The following POU6F2 variants were observed in gnomAD, a reference collection of about 807,000 sequenced individuals.
The protein encoded by POU6F2 is POU domain, class 6, transcription factor 2.
POU6F2 carries 31 observed loss-of-function variants against 71.3 expected under a neutral mutation model. That is an observed-to-expected ratio of 0.43 (90% CI 0.33 to 0.59). The LOEUF is 0.59. Among genes scored for constraint, POU6F2 ranks in the 20% least tolerant of loss-of-function variants. The pLI, the probability that POU6F2 is intolerant of heterozygous loss-of-function variation, is 0.04. For missense variants in POU6F2, 783 were observed against 856.8 expected, an observed-to-expected ratio of 0.91 and a Z score of 1.07; for synonymous variants, 347 against 355.7, an observed-to-expected ratio of 0.98 and a Z score of 0.27.
At chr7:39,406,458 T>G in intron 5 of POU6F2, 142 bp from the exon 6 acceptor site, 2 of 910,998 alleles carry the variant, frequency 2.2e-6, no homozygotes, top group Non-Finnish European at 1.6e-6. Flanking sequence ...GGGGGAATGT[T>G]CGCCACGCCC....
intron 4 of POU6F2, among the ~76,000 whole-genome samples, chr7:39,286,462 G>A (rs556320874): frequency 6.6e-6 from 1 of 152,308 alleles, no homozygotes; most frequent in East Asian, 1.9e-4. Context: ...AGAATTAACA[G>A]GACAATGTAA....
chr7:39,152,079 G>T (rs577697574), intron 2 of POU6F2, among the ~76,000 whole-genome samples: 2 of 152,264 alleles, frequency 1.3e-5, no homozygotes, highest in South Asian at 4.2e-4. Flanking sequence ...TACTCATGCA[G>T]TGTTGGAAAA....
chr7:39,459,172 G>T (rs983648064), intron 8 of POU6F2, among the ~76,000 whole-genome samples: 4 of 152,196 alleles, frequency 2.6e-5, no homozygotes, highest in Admixed American at 2.0e-4. Flanking sequence ...TAGACTGATT[G>T]CAGTAGTTGT....
intron 1 of POU6F2, among the ~76,000 whole-genome samples, chr7:38,986,079 A>G (rs939762216): frequency 5.9e-5 from 9 of 152,132 alleles, no homozygotes; most frequent in Admixed American, 5.9e-4. Flanking sequence ...TACTTTAAAC[A>G]TTTTGGGAAT....
intron 4 of POU6F2, among the ~76,000 whole-genome samples, chr7:39,294,122 A>G (rs1784809251): frequency 6.6e-6 from 1 of 151,874 alleles, no homozygotes; most frequent in Non-Finnish European, 1.5e-5. Flanking sequence ...TATTCAAACT[A>G]TGAGAATCAG....
At chr7:39,431,597 A>G (rs1034538039) in intron 6 of POU6F2, among the ~76,000 whole-genome samples, 4 of 152,160 alleles carry the variant, frequency 2.6e-5, no homozygotes, top group African/African-American at 9.7e-5. Context: ...GGCACCCTCC[A>G]AGGTCCTCCA....
At chr7:39,260,443 ACACATACATAC>A (rs995545622) in intron 4 of POU6F2, among the ~76,000 whole-genome samples, 3 of 150,488 alleles carry the variant, frequency 2.0e-5, no homozygotes, top group African/African-American at 7.3e-5. Context: ...CACACCCCAT[ACACATACATAC>A]CACACACATA....
intron 4 of POU6F2, among the ~76,000 whole-genome samples, chr7:39,247,731 A>G (rs762541330): frequency 1.3e-5 from 2 of 152,112 alleles, no homozygotes; most frequent in Non-Finnish European, 2.9e-5. Flanking sequence ...CCATGAAGGA[A>G]CTCCAGAAGT....
chr7:39,191,457 T>C (rs1793661947), intron 2 of POU6F2, among the ~76,000 whole-genome samples: 1 of 152,160 alleles, frequency 6.6e-6, no homozygotes. Context: ...AGTAAATTTT[T>C]TAAGAATTTG....
intron 2 of POU6F2, among the ~76,000 whole-genome samples, chr7:39,200,299 GCT>G (rs2128744765): frequency 1.3e-5 from 2 of 152,326 alleles, no homozygotes; most frequent in Non-Finnish European, 2.9e-5. Flanking sequence ...CGCTTTAGAT[GCT>G]CTGTCAGTAG....
At chr7:39,066,609 G>T (rs1308232570) in intron 1 of POU6F2, among the ~76,000 whole-genome samples, 1 of 151,070 alleles carries the variant, frequency 6.6e-6, no homozygotes, top group African/African-American at 2.4e-5. Flanking sequence ...GTCTGTAGCA[G>T]GTATGGAGGA....
chr7:39,432,333 G>A (rs1007815093), intron 6 of POU6F2, among the ~76,000 whole-genome samples: 5 of 152,066 alleles, frequency 3.3e-5, no homozygotes, highest in Non-Finnish European at 7.4e-5. Flanking sequence ...TCATTTAAAA[G>A]GCACTTTCTT....
intron 2 of POU6F2, among the ~76,000 whole-genome samples, chr7:39,169,082 A>G (rs895369094): frequency 6.6e-6 from 1 of 152,178 alleles, no homozygotes; most frequent in Non-Finnish European, 1.5e-5. Context: ...GTACATTTTG[A>G]TAGTATTCTA....
chr7:39,165,962 C>T (rs140819755), intron 2 of POU6F2, among the ~76,000 whole-genome samples: 55 of 152,308 alleles, frequency 3.6e-4, no homozygotes, highest in African/African-American at 1.2e-3. Context: ...CAAACCACAT[C>T]CTTCGGAGAA....
chr7:39,245,218 T>A (rs192351978), intron 4 of POU6F2, among the ~76,000 whole-genome samples: 2 of 152,354 alleles, frequency 1.3e-5, no homozygotes, highest in East Asian at 3.9e-4. Context: ...TGCATTAAGA[T>A]CTTGAGTTGA....
intron 5 of POU6F2, among the ~76,000 whole-genome samples, chr7:39,379,548 C>A (rs1410706537): frequency 2.6e-5 from 4 of 152,260 alleles, no homozygotes; most frequent in South Asian, 2.1e-4. Context: ...CAAATTATTT[C>A]TTTTTCCTGT....
intron 7 of POU6F2, among the ~76,000 whole-genome samples, chr7:39,450,949 T>C (rs899400682): frequency 6.6e-6 from 1 of 152,198 alleles, no homozygotes; most frequent in Admixed American, 6.5e-5. Flanking sequence ...ATTTTTGTTC[T>C]GACTCCCCAT....
chr7:39,377,341 G>A (rs2329393), intron 5 of POU6F2, among the ~76,000 whole-genome samples: 15,964 of 152,036 alleles, frequency 0.11, 1,358 homozygotes, highest in East Asian at 0.48. Context: ...ATGTTGGCCA[G>A]GCTGGTCTTG....
chr7:39,126,520 ACTT>A (rs1312243639), intron 2 of POU6F2, among the ~76,000 whole-genome samples: 4 of 152,292 alleles, frequency 2.6e-5, no homozygotes, highest in African/African-American at 7.2e-5. Flanking sequence ...AGTTTCTTTT[ACTT>A]CTTCTAGAAA....
Sources: allele counts gnomAD v4.1 joint callset (sites outside exome capture counted in the v4.1 genomes callset), GRCh38; gene constraint gnomAD v4.1.1; transcripts MANE v1.5; gene names NCBI Gene and HGNC (gene_info 2026-07-23, HGNC 2026-07-21).